The following GBE1 variants were observed in gnomAD, a reference collection of about 807,000 sequenced individuals.
The protein encoded by GBE1 is 1,4-alpha-glucan branching enzyme 1, also known as 1,4-alpha-glucan-branching enzyme.
A neutral mutation model predicts 88.8 loss-of-function variants in GBE1; 70 were observed. The ratio of observed to expected loss-of-function variants is 0.79; its 90% CI spans 0.65 to 0.96. The LOEUF is 0.96. Among genes scored for constraint, GBE1 ranks in the 40% least tolerant of loss-of-function variants. The probability of loss-of-function intolerance (pLI) is 0.00; values close to 1 mark genes in which losing one functional copy is unlikely to be tolerated. For missense variants in GBE1, 872 were observed against 871.0 expected (o/e 1.00, Z -0.01); for synonymous variants, 284 against 300.1 (o/e 0.95, Z 0.56).
chr3:81,563,209 T>G (rs71326475), intron 12 of GBE1, among the ~76,000 whole-genome samples: 19,591 of 152,120 alleles, frequency 0.13, 1,800 homozygotes, highest in East Asian at 0.37. Context: ...AAAGAAGATC[T>G]GTAGGTTTTC....
At chr3:81,575,775 C>A (rs964556426) in intron 12 of GBE1, among the ~76,000 whole-genome samples, 5 of 152,064 alleles carry the variant, frequency 3.3e-5, no homozygotes, top group Non-Finnish European at 7.4e-5. Flanking sequence ...CTGGTTATTG[C>A]AGCTAATGAA....
chr3:81,740,288 CT>C (rs1706327981), intron 1 of GBE1, among the ~76,000 whole-genome samples: 1 of 48,304 alleles, frequency 2.1e-5, no homozygotes, highest in African/African-American at 1.2e-4. Flanking sequence ...ATTATTTAAT[CT>C]ATTCTTTTCC....
chr3:81,600,936 T>C (rs1329542114), intron 7 of GBE1, among the ~76,000 whole-genome samples: 1 of 152,026 alleles, frequency 6.6e-6, no homozygotes, highest in Non-Finnish European at 1.5e-5. Context: ...GTGTGTGTTC[T>C]AGGAGTGGGA....
chr3:81,577,873 T>C (rs1703669563), intron 12 of GBE1, 52 bp downstream of exon 12: 3 of 1,417,406 alleles, frequency 2.1e-6, no homozygotes, highest in Non-Finnish European at 2.9e-6. Flanking sequence ...TTTATGTCAT[T>C]ATAAGTTAAC....
chr3:81,721,825 A>T (rs1706039867), intron 1 of GBE1, among the ~76,000 whole-genome samples: 1 of 152,188 alleles, frequency 6.6e-6, no homozygotes, highest in Admixed American at 6.6e-5. Context: ...ACTGATACTG[A>T]TTATTGCATT....
chr3:81,757,366 G>A (rs1278518764), intron 1 of GBE1, among the ~76,000 whole-genome samples: 1 of 152,142 alleles, frequency 6.6e-6, no homozygotes, highest in Non-Finnish European at 1.5e-5. Flanking sequence ...TTTAAGCAGA[G>A]GAGTACCATG....
At chr3:81,503,732 T>A (rs1006314953) in intron 14 of GBE1, among the ~76,000 whole-genome samples, 1 of 152,148 alleles carries the variant, frequency 6.6e-6, no homozygotes, top group Admixed American at 6.6e-5. Flanking sequence ...TAGATCTGAT[T>A]ACTTTACTCT....
intron 2 of GBE1, among the ~76,000 whole-genome samples, chr3:81,681,680 T>C (rs1705344718): frequency 6.6e-6 from 1 of 152,212 alleles, no homozygotes; most frequent in South Asian, 2.1e-4. Flanking sequence ...TTTTCAACCA[T>C]TGAATGAGGG....
In GBE1 at chr3:81,593,695, G is replaced by A. The variant is rs571946164; in HGVS notation, c.1108+213C>T. ...CTCAAAAAAATTTTAAGCTACACAC[G>A]AATTATAGCATATTCAGCAGATATA... On this transcript the variant is annotated intron_variant, in intron 8 of 15. Transcript: ENST00000429644. Among the ~76,000 whole-genome samples the A allele has an allele frequency of 2.2e-4, 34 of 152,028 alleles. No homozygotes were observed. The East Asian group carries it at 2.7e-3, about 12-fold the overall frequency.
chr3:81,571,369 T>A (rs1319877389), intron 12 of GBE1, among the ~76,000 whole-genome samples: 1 of 152,224 alleles, frequency 6.6e-6, no homozygotes, highest in Non-Finnish European at 1.5e-5. Flanking sequence ...TGTGTTAACA[T>A]CTCATGTCAT....
intron 1 of GBE1, among the ~76,000 whole-genome samples, chr3:81,726,884 T>C (rs13095389): frequency 0.038 from 5,858 of 152,302 alleles, 160 homozygotes; most frequent in South Asian, 0.073. Flanking sequence ...CCGGCTGATA[T>C]TGCAGACTTC....
chr3:81,659,527 T>G (rs999643349), intron 3 of GBE1, among the ~76,000 whole-genome samples: 1 of 150,192 alleles, frequency 6.7e-6, no homozygotes, highest in Non-Finnish European at 1.5e-5. Context: ...TTTTTGTATT[T>G]TTAGTAGAGA....
intron 1 of GBE1, among the ~76,000 whole-genome samples, chr3:81,748,828 G>A (rs953676255): frequency 6.6e-6 from 1 of 151,726 alleles, no homozygotes; most frequent in Non-Finnish European, 1.5e-5. Flanking sequence ...CCAACATGGT[G>A]AAACCCCGTC....
rs923511304 is a variant in GBE1, at chr3:81,511,112, T to C, written c.1935-11885A>G. On this transcript the variant is annotated intron_variant, in intron 14 of 15. Transcript: ENST00000429644. ...CTATTTAATAAATGGTGCTGGGTAA[T>C]TGACTAGTCATATGAAGAAGAATGA... 5.3e-5 allele frequency among the ~76,000 whole-genome samples: 8 copies of C among 152,104 alleles called. No homozygotes were observed. The East Asian group carries it at 9.7e-4, about 18-fold the overall frequency.
At chr3:81,595,410 T>C (rs953017176) in intron 7 of GBE1, among the ~76,000 whole-genome samples, 15 of 151,848 alleles carry the variant, frequency 9.9e-5, no homozygotes, top group African/African-American at 3.4e-4. Flanking sequence ...ATTTTATTTT[T>C]CAGAGTTTTA....
Position 81,535,226 on chromosome 3 carries a change from C to G in GBE1, c.1903G>C (p.Asp635His). Reference sequence around the variant, plus strand: ...GGCAATGCTGTTCCAACTCGGTAGTCAGTGTAGCTCTTGCTTGGATGGAAG... The same window carrying G: ...GGCAATGCTGTTCCAACTCGGTAGTGAGTGTAGCTCTTGCTTGGATGGAAG... ...FNFHPSKSYT[D>H]YRVGTALPGK... Residue 635 changes from aspartate (D) to histidine (H), a missense_variant, in exon 14 of 16, where the codon GAC becomes CAC. Asp to His is a moderately conservative substitution (Grantham distance 81). Coordinates refer to ENST00000429644, the MANE Select transcript of GBE1 (RefSeq NM_000158.4). The G allele has an allele frequency of 6.2e-7, 1 of 1,610,780 alleles. No homozygotes were observed. Among genetic ancestry groups the G allele is most frequent in the Non-Finnish European group, 8.5e-7 (1 of 1,178,402 alleles).
chr3:81,669,090 T>C (rs778314011), intron 3 of GBE1, among the ~76,000 whole-genome samples: 5 of 152,166 alleles, frequency 3.3e-5, no homozygotes, highest in Admixed American at 6.5e-5. Flanking sequence ...TATGAGGTGA[T>C]AGACTGTAGT....
chr3:81,654,030 C>T (rs1298850393), intron 3 of GBE1, among the ~76,000 whole-genome samples: 5 of 151,984 alleles, frequency 3.3e-5, no homozygotes, highest in African/African-American at 1.2e-4. Context: ...AGAAATACAA[C>T]TTAACAAAAT....
At chr3:81,497,253 T>C (rs1702512596) in intron 15 of GBE1, among the ~76,000 whole-genome samples, 3 of 152,190 alleles carry the variant, frequency 2.0e-5, no homozygotes. Flanking sequence ...AGCCGTCGCC[T>C]AAGAAGATCA....
Sources: gnomAD v4.1 joint callset for allele counts (sites outside exome capture counted in the v4.1 genomes callset) on GRCh38, gnomAD v4.1.1 for gene constraint, MANE v1.5 for transcripts, NCBI Gene and HGNC (gene_info 2026-07-23, HGNC 2026-07-21) for gene names.